Variants in PCDHGA1 observed in about 807,000 individuals in gnomAD.
The protein encoded by PCDHGA1 is protocadherin gamma subfamily A, 1, also known as protocadherin gamma-A1.
In PCDHGA1, 32 loss-of-function variants were observed where a neutral mutation model predicts 58.0. The ratio of observed to expected loss-of-function variants is 0.55; its 90% CI spans 0.42 to 0.74. The LOEUF is 0.74. Among genes scored for constraint, PCDHGA1 ranks in the 30% least tolerant of loss-of-function variants. The pLI is 0.00. For missense variants in PCDHGA1, 1,205 were observed against 1,182.3 expected, an observed-to-expected ratio of 1.02 and a Z score of -0.28; for synonymous variants, 498 against 501.1, an observed-to-expected ratio of 0.99 and a Z score of 0.08.
chr5:141,372,931 A>G, intron 1 of PCDHGA1: 1 of 890,318 alleles, frequency 1.1e-6, no homozygotes, highest in Admixed American at 3.1e-5. Flanking sequence ...TTTCTGGTGT[A>G]GAGTAGGGTG....
chr5:141,353,490 G>A (rs1435976682), intron 1 of PCDHGA1, among the ~76,000 whole-genome samples: 2 of 152,106 alleles, frequency 1.3e-5, no homozygotes, highest in East Asian at 3.8e-4. Flanking sequence ...TTAACACTTT[G>A]TCTCATCACA....
rs1254680765 is a variant in PCDHGA1 at position 141,491,399 on chromosome 5, A to G, written c.2422-3408A>G. ...CTGTCAGCGAAGTGCCTTCAGGGAA[A>G]CGCAGACGGGGACGGGGGTGGAGGG... On this transcript the variant is annotated intron_variant, in intron 1 of 3. Transcript: ENST00000517417. This position sits in a 1 kb window ranked among gnomAD's most constrained non-coding sequence, Gnocchi z 6.9. 3 of 1,613,998 alleles carry G rather than the reference A, an allele frequency of 1.9e-6. No homozygotes were observed. Among genetic ancestry groups the G allele is most frequent in the Non-Finnish European group, 2.5e-6 (3 of 1,180,028 alleles).
chr5:141,492,846 A>G (rs1404624093), intron 1 of PCDHGA1, among the ~76,000 whole-genome samples: 1 of 152,184 alleles, frequency 6.6e-6, no homozygotes, highest in African/African-American at 2.4e-5. Flanking sequence ...AGGAAGTGAA[A>G]GCCTCGAGCG....
At chr5:141,366,806 T>G in intron 1 of PCDHGA1, 2 of 1,560,888 alleles carry the variant, frequency 1.3e-6, no homozygotes, top group Non-Finnish European at 1.7e-6. Context: ...GTTTCCTTTT[T>G]CATGTTTCTG....
At chr5:141,350,005 G>T (rs1394190950) in intron 1 of PCDHGA1, 3 of 347,514 alleles carry the variant, frequency 8.6e-6, no homozygotes. Flanking sequence ...TAAAAAGCTG[G>T]GCCCTGTGCA....
intron 1 of PCDHGA1, among the ~76,000 whole-genome samples, chr5:141,447,725 C>T (rs1009407606): frequency 1.3e-5 from 2 of 152,174 alleles, no homozygotes; most frequent in African/African-American, 4.8e-5. Context: ...TTTTCCAAAA[C>T]TCATTGAACT....
chr5:141,427,028 C>T (rs960885416), intron 1 of PCDHGA1: 12 of 456,928 alleles, frequency 2.6e-5, no homozygotes, highest in Admixed American at 2.1e-4. Flanking sequence ...ACAAAGTCAG[C>T]CTTAGAGAGA....
chr5:141,390,999 A>C (rs982856270), intron 1 of PCDHGA1: 23 of 152,216 alleles, frequency 1.5e-4, no homozygotes, highest in African/African-American at 5.6e-4. Context: ...ATTCAAGCTC[A>C]TTCTATATCC....
In PCDHGA1 at chr5:141,332,113, C is replaced by T; in HGVS notation, c.1429C>T (p.His477Tyr). 1 of 1,614,142 alleles carries T rather than the reference C, an allele frequency of 6.2e-7. No individual in the cohort carries two copies. The highest frequency in any genetic ancestry group is 2.2e-5 in the East Asian group (1 of 44,874). ...RGASIFSVRAHDLDSNENAQI... is the reference protein window; with the variant it reads ...RGASIFSVRAYDLDSNENAQI... Reference sequence around the variant, plus strand: ...AGCCTCCATCTTCTCTGTGAGGGCCCACGACTTGGACAGCAATGAGAATGC... The same window carrying T: ...AGCCTCCATCTTCTCTGTGAGGGCCTACGACTTGGACAGCAATGAGAATGC... The change falls in exon 1 of 4, where the codon CAC (histidine) becomes TAC (tyrosine). Residue 477 changes from histidine (H) to tyrosine (Y), a missense_variant. Coordinates refer to ENST00000517417, the MANE Select transcript of PCDHGA1 (RefSeq NM_018912.3). This position sits in a 1 kb window ranked among gnomAD's most constrained non-coding sequence, Gnocchi z 4.6.
chr5:141,355,236 G>A (rs758078780), intron 1 of PCDHGA1: 7 of 1,612,186 alleles, frequency 4.3e-6, no homozygotes, highest in African/African-American at 2.7e-5. Flanking sequence ...ACCACACCCG[G>A]CTGCTCCAGA....
intron 1 of PCDHGA1, among the ~76,000 whole-genome samples, chr5:141,407,122 G>A (rs987492570): frequency 3.9e-5 from 6 of 152,094 alleles, no homozygotes; most frequent in African/African-American, 1.4e-4. Context: ...GGTTTCAGTT[G>A]CTTTATTTTT....
At position 141,389,081 on chromosome 5, in the gene PCDHGA1, G is replaced by A. The variant is rs371979686; in HGVS notation, c.2421+55976G>A. On this transcript the variant is annotated intron_variant, in intron 1 of 3. Transcript: ENST00000517417. Reference sequence around the variant, plus strand: ...AAATATTAACTTCTTCAAGAAACACGTATAAATTAGTGACAGATGCTGTTC... The same window carrying A: ...AAATATTAACTTCTTCAAGAAACACATATAAATTAGTGACAGATGCTGTTC... 1.5e-5 allele frequency: 24 copies of A among 1,613,978 alleles called. No homozygotes were observed. In the South Asian group the frequency reaches 2.0e-4, roughly 13 times the overall value.
rs2099883748 is a variant in PCDHGA1 at position 141,511,359 on chromosome 5, T to A, written c.*186T>A. On this transcript the variant is annotated 3_prime_UTR_variant, in exon 4 of 4. Transcript: ENST00000517417. ...CACCTACCCCTTCCCCCCCAGGGGGTTGAATATGCAAAAGCAGTTCCGCTG... is the reference window on the plus strand; with the variant it reads ...CACCTACCCCTTCCCCCCCAGGGGGATGAATATGCAAAAGCAGTTCCGCTG... 2 of 1,339,338 alleles carry A rather than the reference T, an allele frequency of 1.5e-6. No individual in the cohort carries two copies. Among genetic ancestry groups the A allele is most frequent in the Non-Finnish European group, 2.0e-6 (2 of 1,000,492 alleles). The allele number at this position is 1,339,338 out of a possible 1,614,324, so 83.0% of individuals were successfully genotyped here. A position where few individuals can be genotyped will look rare whatever the true frequency, so the allele number is the denominator to read the frequency against.
At chr5:141,353,111 A>G (rs1759191357) in intron 1 of PCDHGA1, among the ~76,000 whole-genome samples, 1 of 151,828 alleles carries the variant, frequency 6.6e-6, no homozygotes, top group African/African-American at 2.4e-5. Flanking sequence ...ATAGATGGAG[A>G]TTGCTTTCTT....
intron 1 of PCDHGA1, chr5:141,427,212 C>T (rs2097000434): frequency 4.4e-6 from 2 of 456,702 alleles, no homozygotes; most frequent in Non-Finnish European, 8.8e-6. Flanking sequence ...CTTCGAATTT[C>T]GTAGCAGTTA....
At chr5:141,350,401 A>G (rs1465842989) in intron 1 of PCDHGA1, 1 of 1,600,540 alleles carries the variant, frequency 6.2e-7, no homozygotes, top group South Asian at 1.1e-5. Context: ...GGGTGGGGAA[A>G]CTTGCCAAGG....
chr5:141,415,119 G>A, intron 1 of PCDHGA1: 1 of 1,613,666 alleles, frequency 6.2e-7, no homozygotes, highest in African/African-American at 1.3e-5. Flanking sequence ...GCCTCGTAGT[G>A]GCCGTCCAGG....
intron 1 of PCDHGA1, chr5:141,382,963 A>T (rs1778642004): frequency 6.2e-7 from 1 of 1,606,674 alleles, no homozygotes. Context: ...CCTCCTGGGG[A>T]CCCCCTGGGA....
intron 1 of PCDHGA1, chr5:141,341,348 G>A (rs779396961): frequency 3.7e-6 from 6 of 1,614,232 alleles, no homozygotes; most frequent in Non-Finnish European, 4.2e-6. Context: ...TTTTTTATCA[G>A]CGCCTCAATC....
Sources: allele counts gnomAD v4.1 joint callset (sites outside exome capture counted in the v4.1 genomes callset), GRCh38; gene constraint gnomAD v4.1.1; non-coding constraint Gnocchi (gnomAD v3.1); transcripts MANE v1.5; gene names NCBI Gene and HGNC (gene_info 2026-07-23, HGNC 2026-07-21).